The following ANXA10 variants were observed in gnomAD, a reference collection of about 807,000 sequenced individuals.
The protein encoded by ANXA10 is annexin 14.
A neutral mutation model predicts 53.5 loss-of-function variants in ANXA10; 49 were observed. The ratio of observed to expected loss-of-function variants is 0.92; its 90% CI spans 0.73 to 1.16. The LOEUF is 1.16. Ranked by LOEUF, ANXA10 falls within the 50% of genes most tolerant of loss-of-function variation. The probability of loss-of-function intolerance (pLI) is 0.00; values close to 1 mark genes in which losing one functional copy is unlikely to be tolerated. For missense variants in ANXA10, 393 were observed against 394.4 expected (o/e 1.00, Z 0.03); for synonymous variants, 131 against 128.9 (o/e 1.02, Z -0.11).
At position 168,165,304 on chromosome 4, in the gene ANXA10, A is replaced by G. The variant is rs751062467; in HGVS notation, c.458A>G (p.Asp153Gly). ...IYSETSGHFRDTLMNLVQGTR... is the reference protein window; with the variant it reads ...IYSETSGHFRGTLMNLVQGTR... ...TCAGAGACCTCAGGACACTTCAGAG[A>G]TACTCTCATGAACTTGGTCCAGGTA... The change falls in exon 6 of 12, where the codon GAT becomes GGT. Residue 153 changes from aspartate to glycine, a missense_variant. Transcript: ENST00000359299. The G allele has an allele frequency of 6.3e-7, 1 of 1,587,988 alleles. No homozygotes were observed. Among genetic ancestry groups the G allele is most frequent in the East Asian group, 2.3e-5 (1 of 44,278 alleles).
At chr4:168,105,617 CT>C (rs1437164702) in intron 1 of ANXA10, among the ~76,000 whole-genome samples, 5 of 151,940 alleles carry the variant, frequency 3.3e-5, no homozygotes, top group African/African-American at 1.2e-4. Flanking sequence ...GTTTATATTC[CT>C]TTGGGTATAT....
chr4:168,171,406 T>G (rs1193655375), intron 6 of ANXA10, among the ~76,000 whole-genome samples: 1 of 152,176 alleles, frequency 6.6e-6, no homozygotes, highest in East Asian at 1.9e-4. Flanking sequence ...TCTCCAATTC[T>G]TTGGTTGTTA....
intron 3 of ANXA10, among the ~76,000 whole-genome samples, chr4:168,158,911 C>T (rs1731735218): frequency 1.3e-5 from 2 of 152,146 alleles, no homozygotes; most frequent in South Asian, 2.1e-4. Context: ...AGAGCTCTTT[C>T]CATGAGTAAT....
At chr4:168,118,788 T>C (rs767149342) in intron 1 of ANXA10, among the ~76,000 whole-genome samples, 1 of 152,194 alleles carries the variant, frequency 6.6e-6, no homozygotes, top group Admixed American at 6.5e-5. Context: ...ATTGCTGAAA[T>C]GTGTAAAGAC....
At chr4:168,173,153 T>G (rs557783344) in intron 6 of ANXA10, among the ~76,000 whole-genome samples, 1 of 152,186 alleles carries the variant, frequency 6.6e-6, no homozygotes, top group East Asian at 1.9e-4. Flanking sequence ...AGCAAAAATA[T>G]GGATAAAAGA....
intron 1 of ANXA10, among the ~76,000 whole-genome samples, chr4:168,107,694 C>T (rs1730740242): frequency 2.0e-5 from 3 of 152,224 alleles, no homozygotes; most frequent in South Asian, 2.1e-4. Context: ...CTGCGGAGGG[C>T]CCTCTTCCTG....
intron 1 of ANXA10, among the ~76,000 whole-genome samples, chr4:168,115,245 A>G (rs1246401466): frequency 2.0e-5 from 3 of 152,036 alleles, no homozygotes; most frequent in Non-Finnish European, 2.9e-5. Context: ...TTCCATCTTG[A>G]TGCTGAATAA....
At chr4:168,122,561 G>A (rs932355853) in intron 1 of ANXA10, among the ~76,000 whole-genome samples, 15 of 152,148 alleles carry the variant, frequency 9.9e-5, no homozygotes, top group African/African-American at 3.6e-4. Context: ...AGGAAAAGAG[G>A]TTTAATTGGC....
intron 3 of ANXA10, among the ~76,000 whole-genome samples, chr4:168,150,867 A>G (rs1731485363): frequency 6.6e-6 from 1 of 152,120 alleles, no homozygotes; most frequent in Non-Finnish European, 1.5e-5. Context: ...TCTAAACCAC[A>G]AAAAGGAGAG....
intron 2 of ANXA10, among the ~76,000 whole-genome samples, chr4:168,132,811 T>G (rs1443593963): frequency 6.6e-6 from 1 of 152,080 alleles, no homozygotes; most frequent in Admixed American, 6.6e-5. Context: ...TAAATTTTAG[T>G]AATAATTATG....
chr4:168,135,764 G>A (rs1395172694), intron 2 of ANXA10, among the ~76,000 whole-genome samples: 1 of 152,044 alleles, frequency 6.6e-6, no homozygotes, highest in South Asian at 2.1e-4. Context: ...GTACTTTCAT[G>A]ATTTCCTTCT....
intron 3 of ANXA10, among the ~76,000 whole-genome samples, chr4:168,155,526 T>A (rs1474568153): frequency 4.5e-5 from 1 of 22,012 alleles, no homozygotes; most frequent in Non-Finnish European, 8.0e-5. Flanking sequence ...TATAATTATA[T>A]AATATATAAT....
intron 1 of ANXA10, among the ~76,000 whole-genome samples, chr4:168,093,192 C>T (rs893189830): frequency 4.0e-5 from 6 of 151,850 alleles, no homozygotes; most frequent in African/African-American, 1.5e-4. Context: ...TTTTTTATCT[C>T]GATATTTACT....
Position 168,126,268 on chromosome 4 carries a change from A to G in ANXA10, c.19-1816A>G, listed in dbSNP as rs1029811139. Among the ~76,000 whole-genome samples the G allele has an allele frequency of 2.7e-4, 41 of 152,220 alleles. 1 individual carries two copies. Among genetic ancestry groups the G allele is most frequent in the African/African-American group, 9.9e-4 (41 of 41,464 alleles). On this transcript the variant is annotated intron_variant, in intron 1 of 11. Transcript: ENST00000359299. ...TAAAATGTGTCTCAAAAAAATTAGT[A>G]GATTAAATTACATTTAGTTAACCAA... is the stretch of plus-strand genomic sequence containing the variant.
At chr4:168,111,147 G>C (rs1232790921) in intron 1 of ANXA10, among the ~76,000 whole-genome samples, 1 of 152,180 alleles carries the variant, frequency 6.6e-6, no homozygotes, top group African/African-American at 2.4e-5. Context: ...TCTAAGGTTT[G>C]TAATACCATT....
At position 168,153,724 on chromosome 4, in the gene ANXA10, C is replaced by A. The variant is rs565515390; in HGVS notation, c.196-8804C>A. 2.3e-3 allele frequency among the ~76,000 whole-genome samples: 349 copies of A among 152,168 alleles called. 2 individuals carry two copies. The highest frequency in any genetic ancestry group is 7.9e-3 in the African/African-American group (328 of 41,514). Reference sequence around the variant, plus strand: ...ATTTTACCTGAGTTAAATCTTTTAACATTTATATCAACTCTGCGAGGCAGA... The same window carrying A: ...ATTTTACCTGAGTTAAATCTTTTAAAATTTATATCAACTCTGCGAGGCAGA... On this transcript the variant is annotated intron_variant, in intron 3 of 11. Coordinates refer to ENST00000359299, the MANE Select transcript of ANXA10 (RefSeq NM_007193.5).
chr4:168,149,329 C>T (rs1731458837), intron 3 of ANXA10, among the ~76,000 whole-genome samples: 1 of 152,198 alleles, frequency 6.6e-6, no homozygotes, highest in African/African-American at 2.4e-5. Flanking sequence ...TTCTTGTCCA[C>T]ATATGTAGAA....
intron 1 of ANXA10, among the ~76,000 whole-genome samples, chr4:168,111,926 G>C (rs1730815489): frequency 6.6e-6 from 1 of 152,066 alleles, no homozygotes; most frequent in Admixed American, 6.6e-5. Context: ...TTTCAGATCT[G>C]CTCCTTGACA....
intron 10 of ANXA10, among the ~76,000 whole-genome samples, chr4:168,183,984 T>C (rs1732312307): frequency 6.6e-6 from 1 of 152,182 alleles, no homozygotes; most frequent in Admixed American, 6.5e-5. Flanking sequence ...ATACAGACAT[T>C]GATTTTGTAT....
Sources: gnomAD v4.1 joint callset for allele counts (sites outside exome capture counted in the v4.1 genomes callset) on GRCh38, gnomAD v4.1.1 for gene constraint, MANE v1.5 for transcripts, NCBI Gene and HGNC (gene_info 2026-07-23, HGNC 2026-07-21) for gene names.